The following ENOX1 variants were observed in gnomAD, a reference collection of about 807,000 sequenced individuals.
ENOX1 encodes ecto-NOX disulfide-thiol exchanger 1.
In ENOX1, 42 loss-of-function variants were observed where a neutral mutation model predicts 82.5. That is an observed-to-expected ratio of 0.51 (90% CI 0.40 to 0.66). The LOEUF is 0.66. ENOX1 is among the 30% of genes least tolerant of loss of function. The probability of loss-of-function intolerance (pLI) is 0.00; values close to 1 mark genes in which losing one functional copy is unlikely to be tolerated. For synonymous variants in ENOX1, 271 were observed against 282.2 expected (o/e 0.96, Z 0.40); for missense variants, 608 against 811.6 (o/e 0.75, Z 3.05).
chr13:43,688,324 A>G (rs1326893061), intron 1 of ENOX1, among the ~76,000 whole-genome samples: 2 of 152,182 alleles, frequency 1.3e-5, no homozygotes, highest in Non-Finnish European at 2.9e-5. Flanking sequence ...ATGCTATTTC[A>G]GTAGTCCAGA....
chr13:43,275,053 G>A (rs1280595381), intron 12 of ENOX1, among the ~76,000 whole-genome samples: 6 of 152,262 alleles, frequency 3.9e-5, no homozygotes, highest in South Asian at 4.1e-4. Context: ...ACCTCAACCC[G>A]TGGTTTCTAT....
chr13:43,358,002 T>A (rs1212176602), intron 7 of ENOX1, among the ~76,000 whole-genome samples: 2 of 152,124 alleles, frequency 1.3e-5, no homozygotes, highest in African/African-American at 4.8e-5. Context: ...GTAGGGAAGC[T>A]GGAGGTGAGG....
chr13:43,269,601 C>T, intron 12 of ENOX1, 24 bp from the exon 13 acceptor site: 1 of 1,572,846 alleles, frequency 6.4e-7, no homozygotes, highest in African/African-American at 1.3e-5. Context: ...GGATATTTAG[C>T]ATAAGTAGGA....
At chr13:43,626,869 A>C (rs1194760885) in intron 2 of ENOX1, among the ~76,000 whole-genome samples, 1 of 151,912 alleles carries the variant, frequency 6.6e-6, no homozygotes, top group Non-Finnish European at 1.5e-5. Flanking sequence ...TGTCCTATCA[A>C]CTTTTGAGAA....
At chr13:43,573,581 A>G (rs1421338838) in intron 2 of ENOX1, among the ~76,000 whole-genome samples, 1 of 152,226 alleles carries the variant, frequency 6.6e-6, no homozygotes, top group African/African-American at 2.4e-5. Context: ...GTGTGTTCTC[A>G]TGCCCTGCCA....
chr13:43,717,610 A>G (rs527433876), intron 1 of ENOX1, among the ~76,000 whole-genome samples: 27 of 152,340 alleles, frequency 1.8e-4, no homozygotes, highest in Middle Eastern at 3.4e-3. Flanking sequence ...CAGACAGCCT[A>G]CAGAATGGGA....
intron 2 of ENOX1, among the ~76,000 whole-genome samples, chr13:43,538,102 C>T (rs2078544566): frequency 1.3e-5 from 2 of 152,242 alleles, no homozygotes; most frequent in South Asian, 2.1e-4. Context: ...TTCAACCCAT[C>T]TGATCAGGCT....
chr13:43,412,297 T>C (rs1397502868), intron 4 of ENOX1, among the ~76,000 whole-genome samples: 1 of 152,116 alleles, frequency 6.6e-6, no homozygotes, highest in Non-Finnish European at 1.5e-5. Context: ...ATTAAGGAGG[T>C]ACCCCTGGAA....
intron 11 of ENOX1, among the ~76,000 whole-genome samples, chr13:43,308,228 A>C (rs1452228405): frequency 1.3e-5 from 2 of 152,150 alleles, no homozygotes; most frequent in African/African-American, 4.8e-5. Context: ...CAGACCTGTG[A>C]GGGGACTTCT....
chr13:43,315,266 A>G (rs1025399157), intron 11 of ENOX1, among the ~76,000 whole-genome samples: 9 of 152,254 alleles, frequency 5.9e-5, no homozygotes, highest in Admixed American at 5.9e-4. Context: ...AAAATGTTAC[A>G]TGCTGCTAGA....
At chr13:43,369,881 C>T (rs893233946) in intron 5 of ENOX1, among the ~76,000 whole-genome samples, 1 of 152,208 alleles carries the variant, frequency 6.6e-6, no homozygotes, top group African/African-American at 2.4e-5. Context: ...TGGCAGATGC[C>T]TACTGGGGGT....
intron 1 of ENOX1, among the ~76,000 whole-genome samples, chr13:43,690,908 A>G (rs2086330577): frequency 6.6e-6 from 1 of 152,208 alleles, no homozygotes; most frequent in Admixed American, 6.5e-5. Flanking sequence ...AGGTGGGAGA[A>G]GGGCAAGAGT....
chr13:43,583,705 T>C (rs958808746), intron 2 of ENOX1, among the ~76,000 whole-genome samples: 9 of 152,234 alleles, frequency 5.9e-5, no homozygotes, highest in African/African-American at 2.2e-4. Flanking sequence ...GCACTCATTA[T>C]ATATTTTTTA....
chr13:43,626,851 T>A (rs2082986940), intron 2 of ENOX1, among the ~76,000 whole-genome samples: 1 of 151,966 alleles, frequency 6.6e-6, no homozygotes, highest in Non-Finnish European at 1.5e-5. Context: ...ACTGATTTTC[T>A]GTATAACTGT....
intron 1 of ENOX1, among the ~76,000 whole-genome samples, chr13:43,743,769 T>C (rs1447982966): frequency 6.6e-6 from 1 of 152,230 alleles, no homozygotes; most frequent in African/African-American, 2.4e-5. Context: ...TTTGTAATGC[T>C]ATAACAGAAT....
At chr13:43,548,231 A>C (rs939361079) in intron 2 of ENOX1, among the ~76,000 whole-genome samples, 34 of 152,134 alleles carry the variant, frequency 2.2e-4, no homozygotes, top group African/African-American at 8.2e-4. Flanking sequence ...TTAAGTCAAA[A>C]ATAACAAAAT....
chr13:43,783,008 AC>A (rs1439065618), intron 1 of ENOX1, among the ~76,000 whole-genome samples: 1 of 152,210 alleles, frequency 6.6e-6, no homozygotes, highest in East Asian at 1.9e-4. Context: ...CACTACACCA[AC>A]AGTATGTCCA....
chr13:43,430,724 G>A (rs970630318), intron 3 of ENOX1, among the ~76,000 whole-genome samples: 1 of 152,074 alleles, frequency 6.6e-6, no homozygotes, highest in Admixed American at 6.5e-5. Flanking sequence ...ATGATACCAA[G>A]TGCAAAAAAC....
At chr13:43,300,994 C>T (rs993098931) in intron 11 of ENOX1, among the ~76,000 whole-genome samples, 1 of 152,164 alleles carries the variant, frequency 6.6e-6, no homozygotes, top group Non-Finnish European at 1.5e-5. Context: ...CTCCTGACAG[C>T]TCCGTTTACC....
Sources: gnomAD v4.1 joint callset for allele counts (sites outside exome capture counted in the v4.1 genomes callset) on GRCh38, gnomAD v4.1.1 for gene constraint, MANE v1.5 for transcripts, NCBI Gene and HGNC (gene_info 2026-07-23, HGNC 2026-07-21) for gene names.